The following CADPS variants were observed in gnomAD, a reference collection of about 807,000 sequenced individuals.
CADPS encodes the protein calcium-dependent secretion activator 1.
In CADPS, 57 loss-of-function variants were observed where a neutral mutation model predicts 167.3. That is an observed-to-expected ratio of 0.34 (90% CI 0.28 to 0.42). The LOEUF is 0.42. CADPS is among the 20% of genes least tolerant of loss of function. The pLI, the probability that CADPS is intolerant of heterozygous loss-of-function variation, is 1.00. For synonymous variants in CADPS, 676 were observed against 635.3 expected, an observed-to-expected ratio of 1.06 and a Z score of -0.96; for missense variants, 1,414 against 1,738.1, an observed-to-expected ratio of 0.81 and a Z score of 3.32.
Position 62,753,298 on chromosome 3 carries a change from T to C in CADPS, c.888+143A>G. 2 of 627,310 alleles carry C rather than the reference T, an allele frequency of 3.2e-6. No individual in the cohort carries two copies. The highest frequency in any genetic ancestry group is 5.5e-6 in the Non-Finnish European group (2 of 363,510). 38.9% of individuals were successfully genotyped at this position (627,310 alleles called of 1,614,324 possible). A position where few individuals can be genotyped will look rare whatever the true frequency, so the allele number is the denominator to read the frequency against. ...AGAAAAGCATGAATATACTCCAGCCTAAACTGTATTCAACTTTTTACCAGT... is the reference window on the plus strand; with the variant it reads ...AGAAAAGCATGAATATACTCCAGCCCAAACTGTATTCAACTTTTTACCAGT... On this transcript the variant is annotated intron_variant, in intron 3 of 29. Transcript: ENST00000383710. The surrounding 1 kb of genome is among the most constrained non-coding windows in gnomAD (Gnocchi z 4.6).
intron 1 of CADPS, among the ~76,000 whole-genome samples, chr3:62,802,635 A>T (rs975065934): frequency 3.3e-5 from 5 of 152,180 alleles, no homozygotes; most frequent in African/African-American, 1.2e-4. Flanking sequence ...TCAAAGTGAA[A>T]AGAGCTCAAA....
chr3:62,579,707 C>T (rs764548966), intron 8 of CADPS, among the ~76,000 whole-genome samples: 4 of 152,078 alleles, frequency 2.6e-5, no homozygotes, highest in Non-Finnish European at 5.9e-5. Context: ...AGACCAGGTA[C>T]GTAGGGTCTT....
intron 11 of CADPS, among the ~76,000 whole-genome samples, chr3:62,538,466 C>G (rs1201810441): frequency 1.3e-5 from 2 of 152,094 alleles, no homozygotes; most frequent in Non-Finnish European, 2.9e-5. Context: ...CAATTTAACT[C>G]AGGAGAAACT....
intron 8 of CADPS, among the ~76,000 whole-genome samples, chr3:62,572,906 G>C (rs566308029): frequency 6.6e-6 from 1 of 152,002 alleles, no homozygotes; most frequent in Non-Finnish European, 1.5e-5. Context: ...CTTTGAGATG[G>C]AGTTGCACTC....
At chr3:62,754,238 T>A (rs1026099238) in intron 2 of CADPS, among the ~76,000 whole-genome samples, 1 of 152,202 alleles carries the variant, frequency 6.6e-6, no homozygotes, top group Non-Finnish European at 1.5e-5. Context: ...ATAGTGACAA[T>A]CACAGCTCAC....
intron 1 of CADPS, among the ~76,000 whole-genome samples, chr3:62,855,958 C>T (rs1301193265): frequency 6.6e-6 from 1 of 152,148 alleles, no homozygotes; most frequent in Non-Finnish European, 1.5e-5. Context: ...ATTGAATCTT[C>T]CCAAAGTAAT....
intron 9 of CADPS, among the ~76,000 whole-genome samples, chr3:62,558,878 A>T (rs1468240823): frequency 6.6e-6 from 1 of 152,252 alleles, no homozygotes; most frequent in Non-Finnish European, 1.5e-5. Flanking sequence ...GAGTATTTTC[A>T]TAAAGGAACA....
chr3:62,493,107 G>A (rs112370431), intron 19 of CADPS, among the ~76,000 whole-genome samples: 9 of 152,180 alleles, frequency 5.9e-5, no homozygotes, highest in Non-Finnish European at 1.3e-4. Flanking sequence ...AAGATCAGGA[G>A]TTACTTTTCT....
intron 3 of CADPS, among the ~76,000 whole-genome samples, chr3:62,676,799 C>G (rs1004808556): frequency 6.6e-6 from 1 of 152,102 alleles, no homozygotes; most frequent in Non-Finnish European, 1.5e-5. Context: ...TCTCTACAGC[C>G]TGACATGTGC....
chr3:62,608,978 A>C (rs1469117738), intron 6 of CADPS, among the ~76,000 whole-genome samples: 2 of 152,180 alleles, frequency 1.3e-5, no homozygotes, highest in Non-Finnish European at 2.9e-5. Context: ...AAAGGTATTC[A>C]TACTCTCCTT....
chr3:62,704,468 T>G (rs1430642760), intron 3 of CADPS, among the ~76,000 whole-genome samples: 1 of 152,136 alleles, frequency 6.6e-6, no homozygotes, highest in Non-Finnish European at 1.5e-5. Context: ...TTTGGTGGTA[T>G]CCAATGGGGC....
At chr3:62,508,863 CCTTTT>C (rs2067179365) in intron 17 of CADPS, among the ~76,000 whole-genome samples, 1 of 152,076 alleles carries the variant, frequency 6.6e-6, no homozygotes, top group Non-Finnish European at 1.5e-5. Context: ...TTTAACACAT[CCTTTT>C]TTTTCCCAAA....
intron 3 of CADPS, among the ~76,000 whole-genome samples, chr3:62,735,722 C>T (rs914193737): frequency 6.6e-6 from 1 of 152,256 alleles, no homozygotes; most frequent in African/African-American, 2.4e-5. Context: ...TGAGTGCAGC[C>T]TCTGGGTTAT....
intron 1 of CADPS, among the ~76,000 whole-genome samples, chr3:62,799,528 A>T (rs74502155): frequency 0.02 from 3,024 of 152,240 alleles, 55 homozygotes; most frequent in East Asian, 0.088. Context: ...GTCTAAATAC[A>T]TTTTGTCAAG....
chr3:62,637,408 C>T (rs565389098), intron 6 of CADPS, among the ~76,000 whole-genome samples: 1 of 152,184 alleles, frequency 6.6e-6, no homozygotes, highest in Non-Finnish European at 1.5e-5. Context: ...TGATCATTAT[C>T]ATTAGTGTCT....
At chr3:62,586,706 A>T (rs572181915) in intron 7 of CADPS, among the ~76,000 whole-genome samples, 1 of 152,298 alleles carries the variant, frequency 6.6e-6, no homozygotes, top group South Asian at 2.1e-4. Flanking sequence ...TTCAGAACAG[A>T]GGCTGTCAAT....
intron 1 of CADPS, among the ~76,000 whole-genome samples, chr3:62,803,566 C>G (rs2093910587): frequency 6.6e-6 from 1 of 151,948 alleles, no homozygotes; most frequent in South Asian, 2.1e-4. Flanking sequence ...AGATGAGAAA[C>G]CCTGATATAT....
intron 6 of CADPS, among the ~76,000 whole-genome samples, chr3:62,638,106 T>TATATATAG (rs1174535772): frequency 1.4e-5 from 2 of 148,060 alleles, no homozygotes; most frequent in African/African-American, 5.0e-5. Context: ...TATATATATA[T>TATATATAG]AGCAATTAAT....
chr3:62,558,798 A>G (rs2078645646), intron 9 of CADPS, among the ~76,000 whole-genome samples: 1 of 152,138 alleles, frequency 6.6e-6, no homozygotes, highest in South Asian at 2.1e-4. Flanking sequence ...GTTTCTTTAT[A>G]ATGTATAGGG....
Sources: gnomAD v4.1 joint callset for allele counts (sites outside exome capture counted in the v4.1 genomes callset) on GRCh38, gnomAD v4.1.1 for gene constraint, Gnocchi (gnomAD v3.1) non-coding constraint, MANE v1.5 for transcripts, NCBI Gene and HGNC (gene_info 2026-07-23, HGNC 2026-07-21) for gene names.